The following ZNF292 variants were observed in gnomAD, a reference collection of about 807,000 sequenced individuals.
ZNF292 encodes 16 zinc-finger domain protein.
Under a neutral mutation model 217.9 loss-of-function variants are expected in ZNF292, and 26 were observed. That is an observed-to-expected ratio of 0.12 (90% CI 0.09 to 0.17). The LOEUF is 0.17. ZNF292 is among the 10% of genes least tolerant of loss of function. The probability of loss-of-function intolerance (pLI) is 1.00; values close to 1 mark genes in which losing one functional copy is unlikely to be tolerated. For synonymous variants in ZNF292, 1,257 were observed against 1,124.1 expected (o/e 1.12, Z -2.37); for missense variants, 2,904 against 3,175.2 (o/e 0.91, Z 2.05).
In ZNF292 at chr6:87,261,426, T is replaced by C. The variant is rs369582897; in HGVS notation, c.7797T>C (p.Leu2599=). 20 of 1,609,750 alleles carry C rather than the reference T, an allele frequency of 1.2e-5. No individual in the cohort carries two copies. The highest frequency in any genetic ancestry group is 1.6e-5 in the Non-Finnish European group (19 of 1,177,834). Residue 2599 remains leucine (L), a synonymous_variant, in exon 8 of 8, where the codon CTT becomes CTC. Transcript: ENST00000369577. ...TTGAAGTATCATTTCTGAAGTTTCT[T>C]GAGGAGTCTGCAGTGAAGCAGAAGA... ...MGFEVSFLKF[L]EESAVKQKKN...
chr6:87,254,571 C>G, intron 7 of ZNF292, 79 bp from the exon 8 acceptor site: 1 of 1,368,156 alleles, frequency 7.3e-7, no homozygotes, highest in South Asian at 1.4e-5. Flanking sequence ...AAACAAATCT[C>G]AATCTTAACT....
chr6:87,257,223 T>C lies in ZNF292; in HGVS notation c.3594T>C (p.Ser1198=). The C allele has an allele frequency of 6.2e-7, 1 of 1,613,854 alleles. No individual in the cohort carries two copies. Residue 1198 remains serine (S), a synonymous_variant, in exon 8 of 8, where the codon AGT becomes AGC. Transcript: ENST00000369577. ...CCATTTTTCCAGCTCATTTAGCAAG[T>C]GTGTCAACTCCATTGTTGTCCTCAA... The part of the protein sequence containing the change: ...SPPIFPAHLA[S]VSTPLLSSME...
chr6:87,248,066 T>C (rs1156931907), intron 7 of ZNF292, among the ~76,000 whole-genome samples: 1 of 152,222 alleles, frequency 6.6e-6, no homozygotes, highest in Non-Finnish European at 1.5e-5. Context: ...ATAGTAACCT[T>C]TGTAGAAATG....
rs1445575442 is a variant in ZNF292 at position 87,261,110 on chromosome 6, A to G, written c.7481A>G (p.Asn2494Ser). ...LTELFITKLI[N>S]EDSTSVETQA... ...GAATTGTTTATTACAAAATTAATAA[A>G]TGAAGATAGCACAAGTGTAGAGACC... Residue 2494 changes from asparagine (N) to serine (S), a missense_variant, in exon 8 of 8, where the codon AAT becomes AGT. Asn to Ser is a conservative substitution (Grantham distance 46, BLOSUM62 1). Transcript: ENST00000369577. The G allele has an allele frequency of 6.2e-7, 1 of 1,611,880 alleles. No homozygotes were observed. Among genetic ancestry groups the G allele is most frequent in the African/African-American group, 1.3e-5 (1 of 74,826 alleles).
At chr6:87,235,296 A>C (rs1033629606) in intron 5 of ZNF292, among the ~76,000 whole-genome samples, 1 of 152,142 alleles carries the variant, frequency 6.6e-6, no homozygotes, top group Non-Finnish European at 1.5e-5. Context: ...GATATTTTTC[A>C]GTGCCACGAA....
chr6:87,172,285 T>C (rs1349561738), intron 1 of ZNF292, among the ~76,000 whole-genome samples: 2 of 152,192 alleles, frequency 1.3e-5, no homozygotes, highest in Non-Finnish European at 2.9e-5. Flanking sequence ...GAATCACATT[T>C]ATCTTGCTTT....
At chr6:87,172,689 T>C (rs921983414) in intron 1 of ZNF292, among the ~76,000 whole-genome samples, 5 of 152,102 alleles carry the variant, frequency 3.3e-5, no homozygotes, top group African/African-American at 4.8e-5. Context: ...GTGGCTTACT[T>C]GAGCCCAGGT....
rs1775341647 is a variant in ZNF292 at position 87,258,165 on chromosome 6, T to C, written c.4536T>C (p.Val1512=). ...AGGGTGCCGAAATGCTTTCTCATGT[T>C]TCAACAGGTTGTGTCTCTGATGCAT... ...TFEGAEMLSH[V]STGCVSDASQ... is the part of the protein sequence containing the mutation. The change falls in exon 8 of 8, where the codon GTT becomes GTC. Residue 1512 remains valine, a synonymous_variant. Coordinates refer to ENST00000369577, the MANE Select transcript of ZNF292 (RefSeq NM_015021.3). 3 of 1,611,836 alleles carry C rather than the reference T, an allele frequency of 1.9e-6. No individual in the cohort carries two copies. The highest frequency in any genetic ancestry group is 2.5e-6 in the Non-Finnish European group (3 of 1,179,116).
At chr6:87,179,497 C>CG (rs1771403657) in intron 1 of ZNF292, among the ~76,000 whole-genome samples, 3 of 152,048 alleles carry the variant, frequency 2.0e-5, no homozygotes, top group Admixed American at 2.0e-4. Flanking sequence ...AGTATGTAAA[C>CG]TGTGGAGAGA....
At chr6:87,244,961 C>G (rs563734017) in intron 6 of ZNF292, among the ~76,000 whole-genome samples, 2 of 152,212 alleles carry the variant, frequency 1.3e-5, no homozygotes, top group South Asian at 2.1e-4. Context: ...TAAATGCTGG[C>G]CGGGCACAGT....
intron 4 of ZNF292, among the ~76,000 whole-genome samples, chr6:87,227,176 G>T (rs1773399820): frequency 6.6e-6 from 1 of 152,094 alleles, no homozygotes; most frequent in Non-Finnish European, 1.5e-5. Flanking sequence ...AGGGTAAGAG[G>T]TGGGGTCAAA....
chr6:87,224,866 G>A (rs576799384), intron 4 of ZNF292, among the ~76,000 whole-genome samples: 1 of 152,192 alleles, frequency 6.6e-6, no homozygotes, highest in South Asian at 2.1e-4. Context: ...TCAGTTTTCA[G>A]ATCAGTTGGG....
intron 7 of ZNF292, among the ~76,000 whole-genome samples, chr6:87,252,219 T>A (rs2127851614): frequency 6.6e-6 from 1 of 152,162 alleles, no homozygotes; most frequent in South Asian, 2.1e-4. Flanking sequence ...TGGTGCAGTC[T>A]CGGCTCACTG....
intron 1 of ZNF292, among the ~76,000 whole-genome samples, chr6:87,195,310 T>C (rs1019594004): frequency 6.6e-6 from 1 of 152,170 alleles, no homozygotes; most frequent in Non-Finnish European, 1.5e-5. Context: ...GTAGAACAAG[T>C]AGAGAGTGAA....
rs368398203 is a variant in ZNF292 at position 87,183,664 on chromosome 6, A to G, written c.168+27905A>G. On this transcript the variant is annotated intron_variant, in intron 1 of 7. Transcript: ENST00000369577. Reference sequence around the variant, plus strand: ...CACAGAACATAAACCACTTTACACCATAAAATAGGCAGTAATGACATACAT... The same window carrying G: ...CACAGAACATAAACCACTTTACACCGTAAAATAGGCAGTAATGACATACAT... 2.6e-4 allele frequency among the ~76,000 whole-genome samples: 40 copies of G among 152,372 alleles called. 1 individual carries two copies. In the East Asian group the frequency reaches 7.1e-3, roughly 27 times the overall value.
intron 7 of ZNF292, among the ~76,000 whole-genome samples, chr6:87,247,635 C>T (rs1774671302): frequency 6.6e-6 from 1 of 152,158 alleles, no homozygotes; most frequent in Non-Finnish European, 1.5e-5. Context: ...ATATTGTCAA[C>T]ACAGGCGTCT....
chr6:87,210,711 C>T (rs1303757094), intron 1 of ZNF292, among the ~76,000 whole-genome samples: 5 of 152,008 alleles, frequency 3.3e-5, no homozygotes, highest in South Asian at 2.1e-4. Context: ...ACCCGGGAGG[C>T]GGAGCTTGCT....
chr6:87,163,614 T>G (rs984108059), intron 1 of ZNF292, among the ~76,000 whole-genome samples: 1 of 152,224 alleles, frequency 6.6e-6, no homozygotes, highest in Non-Finnish European at 1.5e-5. Context: ...ATCTATAGCA[T>G]GTATCAATTG....
chr6:87,230,290 C>A lies in ZNF292; in HGVS notation c.539-3035C>A, dbSNP rs752372770. On this transcript the variant is annotated intron_variant, in intron 4 of 7. Transcript: ENST00000369577. Reference sequence around the variant, plus strand: ...AATAGGAACCCAGTAAATGAGTTGACCCCACTTTAGGGGGAATCTAGGACC... The same window carrying A: ...AATAGGAACCCAGTAAATGAGTTGAACCCACTTTAGGGGGAATCTAGGACC... Among the ~76,000 whole-genome samples, 5 of 152,118 alleles carry A rather than the reference C, an allele frequency of 3.3e-5. No individual in the cohort carries two copies. The South Asian group carries it at 6.2e-4, about 19-fold the overall frequency.
Sources: gnomAD v4.1 joint callset for allele counts (sites outside exome capture counted in the v4.1 genomes callset) on GRCh38, gnomAD v4.1.1 for gene constraint, MANE v1.5 for transcripts, NCBI Gene and HGNC (gene_info 2026-07-23, HGNC 2026-07-21) for gene names.